ZNF536: variants seen among roughly 807,000 people sequenced by gnomAD.
ZNF536 encodes the protein zinc finger protein 536.
Under a neutral mutation model 84.5 loss-of-function variants are expected in ZNF536, and 13 were observed. That is an observed-to-expected ratio of 0.15 (90% confidence interval 0.10 to 0.24). ZNF536 has a LOEUF of 0.24. Among genes scored for constraint, ZNF536 ranks in the 10% least tolerant of loss-of-function variants. ZNF536 has a pLI of 1.00. For synonymous variants in ZNF536, 811 were observed against 742.5 expected (o/e 1.09, Z -1.50); for missense variants, 1,536 against 1,747.5 (o/e 0.88, Z 2.16).
intron 1 of ZNF536, among the ~76,000 whole-genome samples, chr19:30,652,396 A>G (rs2049740200): frequency 6.6e-6 from 1 of 152,130 alleles, no homozygotes; most frequent in Non-Finnish European, 1.5e-5. Context: ...ATCTAATTGT[A>G]TTTATGCTCA....
At chr19:30,537,064 T>G (rs949197289) in intron 3 of ZNF536, among the ~76,000 whole-genome samples, 2 of 152,164 alleles carry the variant, frequency 1.3e-5, no homozygotes, top group African/African-American at 4.8e-5. Context: ...TTGTTGTTTC[T>G]CTCCATGCAC....
intron 1 of ZNF536, among the ~76,000 whole-genome samples, chr19:30,375,074 G>C (rs184499605): frequency 6.6e-6 from 1 of 151,762 alleles, no homozygotes; most frequent in East Asian, 1.9e-4. Context: ...TACCAAAGAC[G>C]GTGGGAGTAA....
intron 1 of ZNF536, among the ~76,000 whole-genome samples, chr19:30,674,423 G>A (rs372541130): frequency 2.0e-5 from 3 of 152,342 alleles, no homozygotes; most frequent in East Asian, 3.9e-4. Flanking sequence ...GACCTTGGCT[G>A]GTCCTACTCT....
At chr19:30,570,258 T>C (rs561755180) in intron 1 of ZNF536, among the ~76,000 whole-genome samples, 1 of 152,222 alleles carries the variant, frequency 6.6e-6, no homozygotes, top group East Asian at 1.9e-4. Context: ...TCCCTCCACA[T>C]CCTGTCACCT....
intron 1 of ZNF536, among the ~76,000 whole-genome samples, chr19:30,381,304 AG>A (rs1262757815): frequency 6.6e-6 from 1 of 152,196 alleles, no homozygotes; most frequent in African/African-American, 2.4e-5. Context: ...GTGACAGGCA[AG>A]TTCCTTGTTT....
At chr19:30,362,155 C>T (rs1020352464) in intron 3 of ZNF536, among the ~76,000 whole-genome samples, 3 of 152,184 alleles carry the variant, frequency 2.0e-5, no homozygotes, top group African/African-American at 7.2e-5. Context: ...GTCCATGGCC[C>T]AGCCTCCCTG....
chr19:30,342,456 A>G (rs2047595580), intron 2 of ZNF536, among the ~76,000 whole-genome samples: 1 of 152,202 alleles, frequency 6.6e-6, no homozygotes, highest in East Asian at 1.9e-4. Flanking sequence ...CTATGTGCTG[A>G]GGTTCTGCTG....
In ZNF536 at chr19:30,576,757, G is replaced by A. The variant is rs374711012; in HGVS notation, c.169+27243G>A. On this transcript the variant is annotated intron_variant, in intron 1 of 1. Transcript: ENST00000592773. ...CTTCCTGCAAATCCACCTGGTCCAC[G>A]TGGGGACTGGAGGCTTTCTTGTCCT... 4.7e-4 allele frequency among the ~76,000 whole-genome samples: 72 copies of A among 152,316 alleles called. 1 individual carries two copies. The highest frequency in any genetic ancestry group is 1.6e-3 in the African/African-American group (67 of 41,558).
intron 2 of ZNF536, among the ~76,000 whole-genome samples, chr19:30,446,248 CAAAAAAA>C (rs1177505634): frequency 2.1e-3 from 61 of 29,180 alleles, no homozygotes; most frequent in Non-Finnish European, 2.7e-3. Flanking sequence ...GACACTGTCT[CAAAAAAA>C]AAAAAAAAAA....
intron 1 of ZNF536, among the ~76,000 whole-genome samples, chr19:30,624,812 G>C (rs2048615271): frequency 6.6e-6 from 1 of 152,190 alleles, no homozygotes; most frequent in South Asian, 2.1e-4. Flanking sequence ...CCAGTGAGAG[G>C]TGATTGGATC....
At chr19:30,589,298 T>TAGACCCTCTGTTGGCTCTTCCCC (rs1320275967) in intron 1 of ZNF536, among the ~76,000 whole-genome samples, 2 of 152,204 alleles carry the variant, frequency 1.3e-5, no homozygotes, top group African/African-American at 4.8e-5. Flanking sequence ...TTCTGTGCCC[T>TAGACCCTCTGTTGGCTCTTCCCC]AGACCCTCTG....
At chr19:30,228,227 T>C (rs2022731216), upstream of ZNF536, 2 of 151,944 alleles carry the variant, frequency 1.3e-5, no homozygotes, top group South Asian at 4.2e-4. This position sits in a 1 kb window ranked among gnomAD's most constrained non-coding sequence, Gnocchi z 4.5. Context: ...CATTGTTCAC[T>C]GAGTGGAAGG....
intron 1 of ZNF536, chr19:30,436,591 G>T: frequency 1.4e-6 from 1 of 723,628 alleles, no homozygotes; most frequent in Non-Finnish European, 1.7e-6. Flanking sequence ...AAAAGGTTCA[G>T]TAGTCTGATG....
intron 2 of ZNF536, among the ~76,000 whole-genome samples, chr19:30,314,066 C>A (rs1476909232): frequency 6.6e-6 from 1 of 152,208 alleles, no homozygotes; most frequent in Non-Finnish European, 1.5e-5. Context: ...GGTGGCCCTG[C>A]ATGGCTGGTG....
chr19:30,457,157 G>T (rs1049795933), intron 2 of ZNF536, among the ~76,000 whole-genome samples: 1 of 152,236 alleles, frequency 6.6e-6, no homozygotes, highest in Admixed American at 6.5e-5. Flanking sequence ...ACATGGGAGG[G>T]TTTACCCTGG....
intron 1 of ZNF536, among the ~76,000 whole-genome samples, chr19:30,607,790 A>C (rs2047952361): frequency 6.6e-6 from 1 of 151,956 alleles, no homozygotes; most frequent in Admixed American, 6.6e-5. Context: ...ATATATATGT[A>C]TATGCATTAC....
intron 2 of ZNF536, among the ~76,000 whole-genome samples, chr19:30,349,528 T>C (rs533263410): frequency 1.3e-5 from 2 of 152,278 alleles, no homozygotes; most frequent in East Asian, 1.9e-4. Context: ...CCCACCCACA[T>C]TGAACCTCAA....
intron 2 of ZNF536, among the ~76,000 whole-genome samples, chr19:30,341,849 G>A (rs915205384): frequency 4.6e-5 from 7 of 152,158 alleles, no homozygotes; most frequent in African/African-American, 1.4e-4. Context: ...CAATAAACAT[G>A]TTGAAATGAA....
chr19:30,326,683 T>TC (rs2047036990), intron 2 of ZNF536, among the ~76,000 whole-genome samples: 2 of 150,478 alleles, frequency 1.3e-5, no homozygotes, highest in Non-Finnish European at 3.0e-5. Context: ...GAGGCACGAA[T>TC]GTGCCTCCCC....
Sources: gnomAD v4.1 joint callset for allele counts (sites outside exome capture counted in the v4.1 genomes callset) on GRCh38, gnomAD v4.1.1 for gene constraint, Gnocchi (gnomAD v3.1) non-coding constraint, MANE v1.5 for transcripts, NCBI Gene and HGNC (gene_info 2026-07-23, HGNC 2026-07-21) for gene names.